The following PNPLA7 variants were observed in gnomAD, a reference collection of about 807,000 sequenced individuals.
The protein encoded by PNPLA7 is patatin-like phospholipase domain-containing protein 7.
Under a neutral mutation model 161.7 loss-of-function variants are expected in PNPLA7, and 153 were observed. That is an observed-to-expected ratio of 0.95 (90% CI 0.83 to 1.08). The LOEUF is 1.08. Among genes scored for constraint, PNPLA7 ranks in the 50% least tolerant of loss-of-function variants. The pLI is 0.00. For missense variants in PNPLA7, 1,739 were observed against 1,856.6 expected, an observed-to-expected ratio of 0.94 and a Z score of 1.16; for synonymous variants, 809 against 782.1, an observed-to-expected ratio of 1.03 and a Z score of -0.57.
At chr9:137,466,883 G>A (rs371469824) in intron 26 of PNPLA7, among the ~76,000 whole-genome samples, 14 of 107,268 alleles carry the variant, frequency 1.3e-4, no homozygotes, top group African/African-American at 3.1e-4. Flanking sequence ...TCCCACCACC[G>A]TCTCCACCAA....
intron 25 of PNPLA7, among the ~76,000 whole-genome samples, chr9:137,474,399 C>A (rs1831845631): frequency 6.6e-6 from 1 of 152,110 alleles, no homozygotes. Flanking sequence ...GTCAGGAGTG[C>A]AGACAAATCT....
In PNPLA7 at chr9:137,540,753, A is replaced by C. The variant is rs1207475849; in HGVS notation, c.667-31T>G. 1 of 1,593,226 alleles carries C rather than the reference A, an allele frequency of 6.3e-7. No individual in the cohort carries two copies. The highest frequency in any genetic ancestry group is 8.5e-7 in the Non-Finnish European group (1 of 1,169,660). On this transcript the variant is annotated intron_variant, in intron 7 of 34. Coordinates refer to ENST00000406427, the MANE Select transcript of PNPLA7 (RefSeq NM_001098537.3). The surrounding 1 kb of genome is among the most constrained non-coding windows in gnomAD (Gnocchi z 5.1). ...CTTGGAGAGCAGAGTGGGTGCCGTC[A>C]GGTCTGGGGCTGCGACCGCGGGGCC...
At position 137,540,628 on chromosome 9, in the gene PNPLA7, A is replaced by T; in HGVS notation, c.747+14T>A. ...CCCAGGGGCGCCCGGAGGGCCAGGCAGCGGGGGACTCACGGTGATGATGTC... is the reference window on the plus strand; with the variant it reads ...CCCAGGGGCGCCCGGAGGGCCAGGCTGCGGGGGACTCACGGTGATGATGTC... On this transcript the variant is annotated intron_variant, in intron 8 of 34. Coordinates refer to ENST00000406427, the MANE Select transcript of PNPLA7 (RefSeq NM_001098537.3). This position sits in a 1 kb window ranked among gnomAD's most constrained non-coding sequence, Gnocchi z 5.1. 1 of 1,605,306 alleles carries T rather than the reference A, an allele frequency of 6.2e-7. No individual in the cohort carries two copies. The highest frequency in any genetic ancestry group is 1.1e-5 in the South Asian group (1 of 89,966).
intron 12 of PNPLA7, chr9:137,509,760 G>C (rs577466120): frequency 3.7e-5 from 17 of 455,518 alleles, no homozygotes; most frequent in Admixed American, 2.1e-4. Flanking sequence ...GTAGACGCTG[G>C]TGTCTGTGGG....
intron 19 of PNPLA7, among the ~76,000 whole-genome samples, chr9:137,494,827 C>A (rs1320703899): frequency 6.7e-6 from 1 of 149,842 alleles, no homozygotes; most frequent in Non-Finnish European, 1.5e-5. Context: ...TGCTCCGTGA[C>A]CTCATCCACT....
chr9:137,460,870 GCCAC>G lies in PNPLA7; in HGVS notation c.3842-137_3842-134del, dbSNP rs1310966655. On this transcript the variant is annotated intron_variant, in intron 33 of 34. Coordinates refer to ENST00000406427, the MANE Select transcript of PNPLA7 (RefSeq NM_001098537.3). ...AAGGTGGCCCGGGGCCCTACACGCA[GCCAC>G]CTGGTCCCAGGGCAGCCCTGCACAC... 5 of 744,068 alleles carry G rather than the reference GCCAC, an allele frequency of 6.7e-6. No homozygotes were observed. In the African/African-American group the frequency reaches 7.0e-5, roughly 10 times the overall value. The allele number at this position is 744,068 out of a possible 1,614,324, so 46.1% of individuals were successfully genotyped here.
At chr9:137,518,959 CT>C (rs1834831175) in intron 11 of PNPLA7, among the ~76,000 whole-genome samples, 1 of 136,614 alleles carries the variant, frequency 7.3e-6, no homozygotes, top group African/African-American at 2.8e-5. Context: ...TCCTCACTCA[CT>C]CACTCCACCC....
intron 29 of PNPLA7, chr9:137,463,081 C>CTCGGTTCT: frequency 1.6e-6 from 1 of 609,354 alleles, no homozygotes; most frequent in African/African-American, 1.8e-5. Context: ...CCCCAGCAAG[C>CTCGGTTCT]TCGACACCTG....
rs150161303 is a variant in PNPLA7 at position 137,487,949 on chromosome 9, C to CGG, written c.2198-3215_2198-3214dup. On this transcript the variant is annotated intron_variant, in intron 20 of 34. Transcript: ENST00000406427. ...CTGAGCCTTGGCCACACGGGAGGAG[C>CGG]GGGGGACTCAGGCCCAGATGATGTG... is the stretch of plus-strand genomic sequence containing the variant. 9.8e-3 allele frequency among the ~76,000 whole-genome samples: 1,486 copies of CGG among 152,346 alleles called. 23 individuals are homozygous for CGG. The highest frequency in any genetic ancestry group is 0.034 in the African/African-American group (1,410 of 41,586).
intron 11 of PNPLA7, among the ~76,000 whole-genome samples, chr9:137,518,024 A>G (rs1588662950): frequency 1.1e-5 from 1 of 87,406 alleles, no homozygotes; most frequent in Admixed American, 1.3e-4. Flanking sequence ...CCACTCACTC[A>G]CTCGACTCTG....
intron 12 of PNPLA7, among the ~76,000 whole-genome samples, chr9:137,507,758 A>C (rs1833999208): frequency 6.7e-6 from 1 of 150,284 alleles, no homozygotes; most frequent in Non-Finnish European, 1.5e-5. Context: ...TAAATAAATA[A>C]AATAAAATAC....
Position 137,500,792 on chromosome 9 carries a change from C to T in PNPLA7, c.1656G>A (p.Met552Ile), listed in dbSNP as rs756658720. The change falls in exon 16 of 35, where the codon ATG becomes ATA. Residue 552 changes from methionine to isoleucine, a missense_variant. Transcript: ENST00000406427. This position sits in a 1 kb window ranked among gnomAD's most constrained non-coding sequence, Gnocchi z 5.5. ...CGGTGAGCACGGCCAGCTGGCCCAC[C>T]ATCTCCCCGGGGCGCGTGAGGAACA... The part of the protein sequence containing the change: ...TCLFLTRPGE[M>I]VGQLAVLTGE... The T allele has an allele frequency of 1.2e-6, 2 of 1,611,402 alleles. No homozygotes were observed. The highest frequency in any genetic ancestry group is 4.5e-5 in the East Asian group (2 of 44,818).
chr9:137,543,930 C>T lies in PNPLA7; in HGVS notation c.274-115G>A. 2.4e-6 allele frequency: 2 copies of T among 838,444 alleles called. No individual in the cohort carries two copies. The allele number at this position is 838,444 out of a possible 1,614,324, so 51.9% of individuals were successfully genotyped here. A position where few individuals can be genotyped will look rare whatever the true frequency, so the allele number is the denominator to read the frequency against. On this transcript the variant is annotated intron_variant, in intron 4 of 34. Coordinates refer to ENST00000406427, the MANE Select transcript of PNPLA7 (RefSeq NM_001098537.3). This position sits in a 1 kb window ranked among gnomAD's most constrained non-coding sequence, Gnocchi z 6.9. ...TGTGGGCCTCCCACAGTCCCAGCTT[C>T]AGCTCCTGGGGTCTGGCTGTGCCAT...
rs367656906 is a variant in PNPLA7, at chr9:137,520,047, G to A, written c.958-4C>T. The A allele has an allele frequency of 1.7e-5, 28 of 1,611,896 alleles. No homozygotes were observed. Among genetic ancestry groups the A allele is most frequent in the Non-Finnish European group, 4.2e-6 (5 of 1,179,824 alleles). On this transcript the variant is annotated splice_region_variant and splice_polypyrimidine_tract_variant and intron_variant, in intron 10 of 34. Coordinates refer to ENST00000406427, the MANE Select transcript of PNPLA7 (RefSeq NM_001098537.3). This position sits in a 1 kb window ranked among gnomAD's most constrained non-coding sequence, Gnocchi z 5.2. ...CGAGAGGGATGGCCTGGCTCTCCTG[G>A]GACACAAGAAGGAAGTTCAGTGCCA...
chr9:137,525,460 G>A (rs1339345813), intron 8 of PNPLA7, among the ~76,000 whole-genome samples: 4 of 152,180 alleles, frequency 2.6e-5, no homozygotes, highest in Non-Finnish European at 5.9e-5. Context: ...AGTGTGAGTC[G>A]TCTCCAGCGA....
Position 137,467,557 on chromosome 9 carries a change from C to G in PNPLA7, c.2883-84G>C, listed in dbSNP as rs1831536591. ...AGAGGCCTTGTGCTCATCCTCAGTT[C>G]CCAACTCCTCCACAGGCAGAGACGC... On this transcript the variant is annotated intron_variant, in intron 25 of 34. Coordinates refer to ENST00000406427, the MANE Select transcript of PNPLA7 (RefSeq NM_001098537.3). This position sits in a 1 kb window ranked among gnomAD's most constrained non-coding sequence, Gnocchi z 5.1. 1 of 1,508,886 alleles carries G rather than the reference C, an allele frequency of 6.6e-7. No individual in the cohort carries two copies. Among genetic ancestry groups the G allele is most frequent in the Admixed American group, 1.9e-5 (1 of 52,822 alleles). 93.5% of individuals were successfully genotyped at this position (1,508,886 alleles called of 1,614,324 possible).
chr9:137,522,390 C>G (rs1345096057), intron 9 of PNPLA7, among the ~76,000 whole-genome samples: 2 of 150,752 alleles, frequency 1.3e-5, no homozygotes, highest in Admixed American at 6.6e-5. Flanking sequence ...CGGGGTTTCA[C>G]CGTGTGAGCC....
intron 15 of PNPLA7, among the ~76,000 whole-genome samples, chr9:137,501,189 C>T (rs191396551): frequency 1.9e-4 from 29 of 152,348 alleles, no homozygotes; most frequent in Admixed American, 9.8e-4. Flanking sequence ...GGCAAATGCG[C>T]GTCAGCCCAG....
chr9:137,464,417 A>G lies in PNPLA7; in HGVS notation c.3079T>C (p.Tyr1027His). The change falls in exon 27 of 35, where the codon TAC becomes CAC. Residue 1027 changes from tyrosine (Y) to histidine (H), a missense_variant. Tyr to His is a moderately conservative substitution (Grantham distance 83). Around this residue, in one of 6 missense-constraint regions of PNPLA7, gnomAD observed 703 missense variants for 694.6 expected, o/e 1.01. Transcript: ENST00000406427. ...CCGGAGAACATGGACGTGATGGGGT[A>G]GGTGAGGTCCAGCGCGGCCTTCATC... Reference protein sequence around the residue: ...SLMKAALDLTYPITSMFSGAG... With the variant: ...SLMKAALDLTHPITSMFSGAG... 2 of 1,613,906 alleles carry G rather than the reference A, an allele frequency of 1.2e-6. No individual in the cohort carries two copies. The highest frequency in any genetic ancestry group is 1.1e-5 in the South Asian group (1 of 91,080).
Sources: allele counts gnomAD v4.1 joint callset (sites outside exome capture counted in the v4.1 genomes callset), GRCh38; gene constraint gnomAD v4.1.1; regional missense constraint gnomAD v4.1.1; non-coding constraint Gnocchi (gnomAD v3.1); transcripts MANE v1.5; gene names NCBI Gene and HGNC (gene_info 2026-07-23, HGNC 2026-07-21).